Variants in CKM observed in about 807,000 individuals in gnomAD.
CKM encodes the protein creatine kinase, M-type.
CKM carries 28 observed loss-of-function variants against 35.4 expected under a neutral mutation model. The observed-to-expected ratio is 0.79, with a 90% CI of 0.59 to 1.08. The LOEUF (loss-of-function observed/expected upper bound fraction) is 1.08, where lower values mean the gene tolerates loss of function less well. CKM is among the 50% of genes least tolerant of loss of function. CKM has a pLI of 0.00. For missense variants in CKM, 484 were observed against 509.8 expected, an observed-to-expected ratio of 0.95 and a Z score of 0.49; for synonymous variants, 215 against 204.4, an observed-to-expected ratio of 1.05 and a Z score of -0.44.
chr19:45,306,991 C>G lies in CKM; in HGVS notation c.968-63G>C. On this transcript the variant is annotated intron_variant, in intron 7 of 7. Transcript: ENST00000221476. This position sits in a 1 kb window ranked among gnomAD's most constrained non-coding sequence, Gnocchi z 4.5. Reference sequence around the variant, plus strand: ...AAGGTGCAGAGGGGCTGGGACGTGGCCCCCGTGCCAAATGCAACAGCCGCA... The same window carrying G: ...AAGGTGCAGAGGGGCTGGGACGTGGGCCCCGTGCCAAATGCAACAGCCGCA... The G allele has an allele frequency of 1.9e-6, 3 of 1,565,080 alleles. No homozygotes were observed. The highest frequency in any genetic ancestry group is 2.6e-6 in the Non-Finnish European group (3 of 1,143,792).
intron 4 of CKM, among the ~76,000 whole-genome samples, chr19:45,313,557 G>T (rs1971129344): frequency 6.6e-6 from 1 of 152,126 alleles, no homozygotes; most frequent in African/African-American, 2.4e-5. Context: ...TAAATAAAAA[G>T]CTTCATAGGC....
Position 45,307,607 on chromosome 19 carries a change from T to G in CKM, c.821A>C (p.Asn274Thr). ...FKKAGHPFMWNQHLGYVLTCP... is the reference protein window; with the variant it reads ...FKKAGHPFMWTQHLGYVLTCP... The stretch of plus-strand genomic sequence containing the variant: ...GGTGAGCACGTAGCCCAGGTGCTGG[T>G]TCCACATGAAGGGGTGGCCAGCTTT... Residue 274 changes from asparagine (N) to threonine (T), a missense_variant, in exon 7 of 8, where the codon AAC becomes ACC. Coordinates refer to ENST00000221476, the MANE Select transcript of CKM (RefSeq NM_001824.5). 1 of 1,614,122 alleles carries G rather than the reference T, an allele frequency of 6.2e-7. No individual in the cohort carries two copies. Among genetic ancestry groups the G allele is most frequent in the Non-Finnish European group, 8.5e-7 (1 of 1,180,012 alleles).
At chr19:45,307,360 C>G in intron 7 of CKM, 101 bp downstream of exon 7, 1 of 1,133,274 alleles carries the variant, frequency 8.8e-7, no homozygotes, top group Middle Eastern at 2.7e-4. Context: ...CAGCCCTTGC[C>G]GGATCCCCAG....
chr19:45,320,232 G>A (rs17875648), intron 1 of CKM, among the ~76,000 whole-genome samples: 9,441 of 152,102 alleles, frequency 0.062, 454 homozygotes, highest in Non-Finnish European at 0.089. Context: ...GATTACAGGC[G>A]CACACCACCA....
chr19:45,319,936 G>A (rs1297155052), intron 1 of CKM, among the ~76,000 whole-genome samples: 9 of 151,780 alleles, frequency 5.9e-5, no homozygotes, highest in South Asian at 2.1e-4. Flanking sequence ...GAATACAGGC[G>A]CCCGCCACCA....
intron 3 of CKM, among the ~76,000 whole-genome samples, chr19:45,316,460 A>C (rs1351609815): frequency 6.6e-6 from 1 of 151,336 alleles, no homozygotes; most frequent in Admixed American, 6.6e-5. Flanking sequence ...CACCATGCCT[A>C]GCTAAATTTT....
Position 45,307,656 on chromosome 19 carries a change from G to T in CKM, c.778-6C>A, listed in dbSNP as rs1308277155. On this transcript the variant is annotated splice_polypyrimidine_tract_variant and splice_region_variant and intron_variant, in intron 6 of 7. Transcript: ENST00000221476. ...TTCTTAAAGATCTCCTCAATCTGAGGTTCAGAGAGAGGACCAGGGGTCAGC... is the reference window on the plus strand; with the variant it reads ...TTCTTAAAGATCTCCTCAATCTGAGTTTCAGAGAGAGGACCAGGGGTCAGC... 1 of 1,612,980 alleles carries T rather than the reference G, an allele frequency of 6.2e-7. No individual in the cohort carries two copies. The highest frequency in any genetic ancestry group is 1.3e-5 in the African/African-American group (1 of 75,006).
rs34906823 is a variant in CKM, at chr19:45,319,426, GCC to G, written c.193+93_193+94del. 7 of 817,504 alleles carry G rather than the reference GCC, an allele frequency of 8.6e-6. No individual in the cohort carries two copies. In the East Asian group the frequency reaches 8.9e-5, roughly 10 times the overall value. 50.6% of individuals were successfully genotyped at this position (817,504 alleles called of 1,614,324 possible). ...CCATTTTACAGATGAGAAAACTGAGGCCCCCCCCCCTTCAAGGGTGGTGGGAT... is the reference window on the plus strand; with the variant it reads ...CCATTTTACAGATGAGAAAACTGAGGCCCCCCCCTTCAAGGGTGGTGGGAT... On this transcript the variant is annotated intron_variant, in intron 2 of 7. Transcript: ENST00000221476.
In CKM at chr19:45,311,779, G is replaced by T; in HGVS notation, c.623C>A (p.Ala208Asp). The T allele has an allele frequency of 6.2e-7, 1 of 1,601,246 alleles. No homozygotes were observed. ...VSPLLLASGM[A>D]RDWPDARGIW... Reference sequence around the variant, plus strand: ...GCCACGGGCGTCGGGCCAGTCGCGGGCCATGCCTGAGGCCAGCAGCAGCGG... The same window carrying T: ...GCCACGGGCGTCGGGCCAGTCGCGGTCCATGCCTGAGGCCAGCAGCAGCGG... Residue 208 changes from alanine (A) to aspartate (D), a missense_variant, in exon 5 of 8, where the codon GCC becomes GAC. By Grantham distance (126) the Ala-to-Asp change is moderately radical. Transcript: ENST00000221476.
At chr19:45,318,053 C>A (rs1599819698) in intron 2 of CKM, 74 bp from the exon 3 acceptor site, 1 of 1,345,456 alleles carries the variant, frequency 7.4e-7, no homozygotes, top group East Asian at 2.3e-5. Flanking sequence ...CTCAGTGGAG[C>A]CTGTGTGGAC....
At position 45,306,609 on chromosome 19, in the gene CKM, G is replaced by C; in HGVS notation, c.*141C>G. 1 of 824,674 alleles carries C rather than the reference G, an allele frequency of 1.2e-6. No individual in the cohort carries two copies. 51.1% of individuals were successfully genotyped at this position (824,674 alleles called of 1,614,324 possible). A position where few individuals can be genotyped will look rare whatever the true frequency, so the allele number is the denominator to read the frequency against. On this transcript the variant is annotated 3_prime_UTR_variant, in exon 8 of 8. Coordinates refer to ENST00000221476, the MANE Select transcript of CKM (RefSeq NM_001824.5). This position sits in a 1 kb window ranked among gnomAD's most constrained non-coding sequence, Gnocchi z 4.5. ...ATTGGTTGGAACTCTGGTTGAAACTGGAACTCTGAGAAGGGTGGAGAGAGC... is the reference window on the plus strand; with the variant it reads ...ATTGGTTGGAACTCTGGTTGAAACTCGAACTCTGAGAAGGGTGGAGAGAGC...
intron 1 of CKM, among the ~76,000 whole-genome samples, chr19:45,321,063 A>ATT (rs35089528): frequency 5.6e-4 from 80 of 142,714 alleles, no homozygotes; most frequent in African/African-American, 2.0e-3. Context: ...ACACCTGGCT[A>ATT]TTTTTTTTTT....
chr19:45,307,074 C>A (rs112805483), intron 7 of CKM, 146 bp from the exon 8 acceptor site: 30 of 761,232 alleles, frequency 3.9e-5, no homozygotes, highest in African/African-American at 2.7e-4. Flanking sequence ...CCTGTTCATT[C>A]GTGAGCTCAC....
At chr19:45,320,588 T>A (rs1180231088) in intron 1 of CKM, among the ~76,000 whole-genome samples, 2 of 152,202 alleles carry the variant, frequency 1.3e-5, no homozygotes, top group Admixed American at 1.3e-4. Flanking sequence ...TCATTCTTGC[T>A]GGAAACTCAA....
At chr19:45,309,762 G>A (rs966304078) in intron 5 of CKM, among the ~76,000 whole-genome samples, 1 of 150,736 alleles carries the variant, frequency 6.6e-6, no homozygotes, top group East Asian at 2.0e-4. Flanking sequence ...CTAAGGAGGC[G>A]GAGGGTGAGA....
chr19:45,314,404 G>C (rs1971138254), intron 4 of CKM, among the ~76,000 whole-genome samples: 1 of 151,926 alleles, frequency 6.6e-6, no homozygotes. Flanking sequence ...ACAGACTACA[G>C]TATAGGATAA....
At chr19:45,314,156 GGAGGAAGA>G (rs1413121250) in intron 4 of CKM, among the ~76,000 whole-genome samples, 4 of 149,448 alleles carry the variant, frequency 2.7e-5, no homozygotes, top group African/African-American at 9.9e-5. Context: ...GGGAAGGAAG[GGAGGAAGA>G]AAAGAAAGGA....
intron 1 of CKM, among the ~76,000 whole-genome samples, chr19:45,321,658 T>G (rs1230893792): frequency 6.6e-6 from 1 of 151,542 alleles, no homozygotes; most frequent in African/African-American, 2.4e-5. Flanking sequence ...GGGGTCTCAC[T>G]ATGTTGCCCA....
At chr19:45,314,094 A>G (rs1357271621) in intron 4 of CKM, among the ~76,000 whole-genome samples, 2 of 146,368 alleles carry the variant, frequency 1.4e-5, no homozygotes, top group African/African-American at 5.0e-5. Context: ...GAAGGAAGGA[A>G]GGACGGAGAA....
Sources: gnomAD v4.1 joint callset for allele counts (sites outside exome capture counted in the v4.1 genomes callset) on GRCh38, gnomAD v4.1.1 for gene constraint, Gnocchi (gnomAD v3.1) non-coding constraint, MANE v1.5 for transcripts, NCBI Gene and HGNC (gene_info 2026-07-23, HGNC 2026-07-21) for gene names.